The following NAALADL2 variants were observed in gnomAD, a reference collection of about 807,000 sequenced individuals.
The protein encoded by NAALADL2 is inactive N-acetylated-alpha-linked acidic dipeptidase-like protein 2.
NAALADL2 carries 76 observed loss-of-function variants against 87.2 expected under a neutral mutation model. The observed-to-expected ratio is 0.87, with a 90% CI of 0.72 to 1.05. The LOEUF (loss-of-function observed/expected upper bound fraction) is 1.05. Among genes scored for constraint, NAALADL2 ranks in the 50% least tolerant of loss-of-function variants. The pLI is 0.00. For missense variants in NAALADL2, 1,089 were observed against 945.8 expected, an observed-to-expected ratio of 1.15 and a Z score of -1.99; for synonymous variants, 354 against 331.0, an observed-to-expected ratio of 1.07 and a Z score of -0.75.
chr3:175,787,830 C>T (rs955423166), intron 13 of NAALADL2, among the ~76,000 whole-genome samples: 2 of 151,928 alleles, frequency 1.3e-5, no homozygotes, highest in African/African-American at 4.8e-5. Context: ...TACAAGAGTC[C>T]AAAAGTTTTA....
intron 1 of NAALADL2, among the ~76,000 whole-genome samples, chr3:174,897,871 T>C (rs1731755846): frequency 7.3e-6 from 1 of 137,820 alleles, no homozygotes; most frequent in Non-Finnish European, 1.5e-5. Flanking sequence ...CCCAGCACTT[T>C]GGGAGGCCGA....
chr3:174,708,147 G>T (rs1730274150), intron 2 of NAALADL2, among the ~76,000 whole-genome samples: 1 of 152,102 alleles, frequency 6.6e-6, no homozygotes, highest in African/African-American at 2.4e-5. Context: ...TAGTTTGTAT[G>T]GTTTGACTCA....
intron 13 of NAALADL2, among the ~76,000 whole-genome samples, chr3:175,778,892 G>A (rs890406363): frequency 3.9e-5 from 6 of 152,048 alleles, no homozygotes; most frequent in African/African-American, 1.4e-4. Context: ...TTTACCTAAG[G>A]CAGATTAACA....
intron 2 of NAALADL2, among the ~76,000 whole-genome samples, chr3:174,725,206 C>T (rs1732070849): frequency 6.6e-6 from 1 of 152,114 alleles, no homozygotes; most frequent in African/African-American, 2.4e-5. Context: ...CTCACTTAAC[C>T]ATGAGTAAAA....
At chr3:174,951,024 A>G (rs1166250303) in intron 1 of NAALADL2, among the ~76,000 whole-genome samples, 1 of 152,098 alleles carries the variant, frequency 6.6e-6, no homozygotes, top group African/African-American at 2.4e-5. Context: ...GTCATTAGCA[A>G]ACATGCCAAT....
intron 10 of NAALADL2, among the ~76,000 whole-genome samples, chr3:175,614,292 C>T (rs1725048167): frequency 6.6e-6 from 1 of 152,184 alleles, no homozygotes; most frequent in African/African-American, 2.4e-5. Flanking sequence ...AACTCATGAT[C>T]TGCCCGCCTC....
At chr3:175,154,958 G>C (rs1347168609) in intron 2 of NAALADL2, among the ~76,000 whole-genome samples, 1 of 152,144 alleles carries the variant, frequency 6.6e-6, no homozygotes, top group African/African-American at 2.4e-5. Context: ...TAAATACAAA[G>C]GGAGAAAATG....
intron 2 of NAALADL2, among the ~76,000 whole-genome samples, chr3:174,627,424 C>CA (rs1721682834): frequency 6.6e-6 from 1 of 152,048 alleles, no homozygotes; most frequent in Non-Finnish European, 1.5e-5. Context: ...ATTGAAAAGT[C>CA]AAAAAACAAC....
chr3:174,890,976 G>A (rs1017268207), intron 1 of NAALADL2, among the ~76,000 whole-genome samples: 1 of 150,688 alleles, frequency 6.6e-6, no homozygotes, highest in African/African-American at 2.4e-5. Flanking sequence ...TTTTTATTAT[G>A]ATAGGAAACT....
intron 3 of NAALADL2, among the ~76,000 whole-genome samples, chr3:174,824,770 C>T (rs899107078): frequency 7.2e-5 from 11 of 152,050 alleles, no homozygotes; most frequent in African/African-American, 1.7e-4. Flanking sequence ...GTCTGTGCTT[C>T]GGTCACTTAT....
At chr3:175,752,760 T>TTG (rs535420635) in intron 12 of NAALADL2, among the ~76,000 whole-genome samples, 103 of 152,114 alleles carry the variant, frequency 6.8e-4, no homozygotes, top group Non-Finnish European at 1.3e-3. Context: ...ATGATACAAT[T>TTG]TGTCTCACTT....
At chr3:175,561,197 T>C (rs928903501) in intron 9 of NAALADL2, among the ~76,000 whole-genome samples, 2 of 152,180 alleles carry the variant, frequency 1.3e-5, no homozygotes, top group Non-Finnish European at 2.9e-5. Flanking sequence ...AATACAAAGA[T>C]ACCAAAATCC....
At chr3:175,746,229 A>C (rs908972499) in intron 12 of NAALADL2, among the ~76,000 whole-genome samples, 2 of 151,232 alleles carry the variant, frequency 1.3e-5, no homozygotes, top group African/African-American at 2.4e-5. Flanking sequence ...AAGAAAGGAT[A>C]GTATTTCAAG....
chr3:175,698,389 A>ATATATGTATGTGTATTTATGTATGTG (rs1560995122), intron 11 of NAALADL2, among the ~76,000 whole-genome samples: 2 of 105,138 alleles, frequency 1.9e-5, no homozygotes, highest in African/African-American at 4.2e-5. Context: ...TTATGTATGT[A>ATATATGTATGTGTATTTATGTATGTG]TACATATGTA....
chr3:174,882,752 C>CATAT (rs1729509857), intron 1 of NAALADL2, among the ~76,000 whole-genome samples: 1 of 133,592 alleles, frequency 7.5e-6, no homozygotes, highest in Non-Finnish European at 1.6e-5. Flanking sequence ...TATATACACA[C>CATAT]GTGTATATAT....
At chr3:174,491,122 TCAATTTGGGGTGAA>T (rs1174547008) in intron 1 of NAALADL2, among the ~76,000 whole-genome samples, 1 of 152,118 alleles carries the variant, frequency 6.6e-6, no homozygotes, top group Non-Finnish European at 1.5e-5. Context: ...AATTACTTTA[TCAATTTGGGGTGAA>T]CACTATGCTC....
intron 1 of NAALADL2, among the ~76,000 whole-genome samples, chr3:174,513,950 T>A (rs894408231): frequency 6.6e-6 from 1 of 152,136 alleles, no homozygotes; most frequent in Non-Finnish European, 1.5e-5. Flanking sequence ...TCTTTTTCTC[T>A]CTCTCTTCCC....
chr3:175,578,277 G>T (rs1214732520), intron 10 of NAALADL2, among the ~76,000 whole-genome samples: 1 of 152,030 alleles, frequency 6.6e-6, no homozygotes, highest in African/African-American at 2.4e-5. Flanking sequence ...ACAAAAATCA[G>T]CTGGCCGTGT....
chr3:174,850,845 T>G (rs894018179), intron 3 of NAALADL2, among the ~76,000 whole-genome samples: 5 of 152,072 alleles, frequency 3.3e-5, no homozygotes, highest in Non-Finnish European at 7.4e-5. Context: ...TTCTCAATGA[T>G]AGACCATATA....
Sources: allele counts gnomAD v4.1 joint callset (sites outside exome capture counted in the v4.1 genomes callset), GRCh38; gene constraint gnomAD v4.1.1; transcripts MANE v1.5; gene names NCBI Gene and HGNC (gene_info 2026-07-23, HGNC 2026-07-21).